ABCA13: variants seen among roughly 807,000 people sequenced by gnomAD.
ABCA13 encodes the protein ATP binding cassette subfamily A member 13, also known as ATP-binding cassette sub-family A member 13.
In ABCA13, 476 loss-of-function variants were observed where a neutral mutation model predicts 478.7. The observed-to-expected ratio is 0.99, with a 90% CI of 0.92 to 1.07. The LOEUF (loss-of-function observed/expected upper bound fraction) is 1.07. Ranked by LOEUF, ABCA13 falls within the 50% of genes least tolerant of loss-of-function variation. The pLI, the probability that ABCA13 is intolerant of heterozygous loss-of-function variation, is 0.00. For synonymous variants in ABCA13, 2,252 were observed against 2,158.9 expected, an observed-to-expected ratio of 1.04 and a Z score of -1.20; for missense variants, 6,060 against 5,910.6, an observed-to-expected ratio of 1.03 and a Z score of -0.83.
At chr7:48,393,285 G>A (rs560169053) in intron 38 of ABCA13, among the ~76,000 whole-genome samples, 39 of 152,306 alleles carry the variant, frequency 2.6e-4, no homozygotes, top group Admixed American at 2.0e-4. Flanking sequence ...TGTGCAGGCC[G>A]TCTGTCCTGT....
chr7:48,472,681 T>G (rs535761729), intron 45 of ABCA13, among the ~76,000 whole-genome samples: 2 of 152,062 alleles, frequency 1.3e-5, no homozygotes, highest in Admixed American at 6.5e-5. Context: ...ATAGTTTTAA[T>G]AAAAAAAGCT....
At chr7:48,235,513 C>T (rs1393866362) in intron 8 of ABCA13, among the ~76,000 whole-genome samples, 2 of 152,148 alleles carry the variant, frequency 1.3e-5, no homozygotes, top group Admixed American at 1.3e-4. Context: ...CTTTCTATTG[C>T]TGCTGTAGCA....
At chr7:48,478,005 G>C (rs535958391) in intron 45 of ABCA13, among the ~76,000 whole-genome samples, 1 of 151,648 alleles carries the variant, frequency 6.6e-6, no homozygotes, top group Non-Finnish European at 1.5e-5. Flanking sequence ...CATTTTAGAA[G>C]GATGTATCTT....
intron 30 of ABCA13, among the ~76,000 whole-genome samples, chr7:48,351,051 G>A (rs972348150): frequency 6.6e-6 from 1 of 152,138 alleles, no homozygotes; most frequent in Non-Finnish European, 1.5e-5. Context: ...GACTAATAAC[G>A]TTTTCACCAT....
At chr7:48,635,427 G>A (rs942173584) in intron 59 of ABCA13, among the ~76,000 whole-genome samples, 1 of 152,098 alleles carries the variant, frequency 6.6e-6, no homozygotes, top group Non-Finnish European at 1.5e-5. Context: ...GGAGAGGGAG[G>A]ACAGTGACCT....
intron 55 of ABCA13, among the ~76,000 whole-genome samples, chr7:48,541,324 C>T (rs1833929118): frequency 6.6e-6 from 1 of 152,038 alleles, no homozygotes; most frequent in Non-Finnish European, 1.5e-5. Context: ...TATTGATGGA[C>T]ACCATCAAAC....
intron 48 of ABCA13, among the ~76,000 whole-genome samples, chr7:48,504,138 G>A (rs1226727191): frequency 6.6e-6 from 1 of 152,178 alleles, no homozygotes; most frequent in Non-Finnish European, 1.5e-5. Context: ...TGGACAGGAA[G>A]CATAAGCAAA....
chr7:48,583,375 C>T (rs542515679), intron 56 of ABCA13, among the ~76,000 whole-genome samples: 66 of 152,264 alleles, frequency 4.3e-4, no homozygotes, highest in Middle Eastern at 3.4e-3. Context: ...CCCTACTTTA[C>T]GACTCATTTT....
intron 55 of ABCA13, among the ~76,000 whole-genome samples, chr7:48,575,465 G>T (rs1057509896): frequency 6.6e-6 from 1 of 152,168 alleles, no homozygotes; most frequent in Non-Finnish European, 1.5e-5. Context: ...GTACCCAGTA[G>T]ATCTTAAATT....
intron 15 of ABCA13, among the ~76,000 whole-genome samples, chr7:48,265,442 C>T (rs1384224675): frequency 6.6e-6 from 1 of 151,404 alleles, no homozygotes; most frequent in Non-Finnish European, 1.5e-5. Flanking sequence ...ATTTTGTCTT[C>T]TTTGTTTTTC....
chr7:48,203,234 G>T (rs1044845031), intron 3 of ABCA13, among the ~76,000 whole-genome samples: 2 of 144,436 alleles, frequency 1.4e-5, no homozygotes, highest in Non-Finnish European at 1.6e-5. Flanking sequence ...AAGCCCACGC[G>T]CACCGGAACT....
At chr7:48,260,152 A>G (rs1175137452) in intron 15 of ABCA13, among the ~76,000 whole-genome samples, 1 of 152,006 alleles carries the variant, frequency 6.6e-6, no homozygotes, top group Non-Finnish European at 1.5e-5. Context: ...TTTGCTGGGG[A>G]ACTAGAGCAG....
chr7:48,554,822 T>TTTATTATTATTA (rs58085063), intron 55 of ABCA13, among the ~76,000 whole-genome samples: 10 of 147,368 alleles, frequency 6.8e-5, no homozygotes, highest in African/African-American at 2.2e-4. Flanking sequence ...ATTATTATTA[T>TTTATTATTATTA]TTATTATTAT....
chr7:48,625,161 T>C (rs563764130), intron 59 of ABCA13, among the ~76,000 whole-genome samples: 1 of 152,332 alleles, frequency 6.6e-6, no homozygotes, highest in East Asian at 1.9e-4. Flanking sequence ...ACTGTCTGAG[T>C]AGCTGCAAAT....
intron 19 of ABCA13, among the ~76,000 whole-genome samples, chr7:48,287,521 T>C (rs1188133138): frequency 1.3e-5 from 2 of 152,076 alleles, no homozygotes; most frequent in African/African-American, 4.8e-5. Context: ...AGGAAGTGAC[T>C]TGTGAGGCAT....
In ABCA13 at chr7:48,412,354, C is replaced by T. The variant is rs752007350; in HGVS notation, c.12230C>T (p.Pro4077Leu). The T allele has an allele frequency of 2.5e-6, 4 of 1,609,952 alleles. No homozygotes were observed. The South Asian group carries it at 3.3e-5, about 13-fold the overall frequency. ...TTTTTTCCTTTTTTTTATGGATAGC[C>T]TTCTGTTCTGGAGGCCCATGATCTG... ...QGLRLTLTRQ[P>L]SVLEAHDLKD... The change falls in exon 41 of 62, where the codon CCT becomes CTT. Residue 4077 changes from proline (P) to leucine (L), a missense_variant and splice_region_variant. Transcript: ENST00000435803.
At chr7:48,432,545 A>T in intron 42 of ABCA13, among the ~76,000 whole-genome samples, 1 of 152,226 alleles carries the variant, frequency 6.6e-6, no homozygotes, top group East Asian at 1.9e-4. Flanking sequence ...CACCATTCAT[A>T]ATAGCCAAGA....
rs1042848402 is a variant in ABCA13, at chr7:48,228,022, C to G, written c.632+597C>G. Among the ~76,000 whole-genome samples the G allele has an allele frequency of 2.0e-5, 3 of 152,216 alleles. No individual in the cohort carries two copies. In the East Asian group the frequency reaches 5.8e-4, roughly 29 times the overall value. On this transcript the variant is annotated intron_variant, in intron 6 of 61. Coordinates refer to ENST00000435803, the MANE Select transcript of ABCA13 (RefSeq NM_152701.5). The stretch of plus-strand genomic sequence containing the variant: ...CCTTCCCGTGGTGGGCTTCTTATGC[C>G]TTAATCAGCATGGCCCTCTTTTATA...
rs530423576 is a variant in ABCA13, at chr7:48,487,983, G to A, written c.13183-1253G>A. ...CTATGTTGCTGTAGTTTTTTTGTTTGTTTGTTTTGGTCACAAAATCCCACT... is the reference window on the plus strand; with the variant it reads ...CTATGTTGCTGTAGTTTTTTTGTTTATTTGTTTTGGTCACAAAATCCCACT... On this transcript the variant is annotated intron_variant, in intron 47 of 61. Coordinates refer to ENST00000435803, the MANE Select transcript of ABCA13 (RefSeq NM_152701.5). Among the ~76,000 whole-genome samples the A allele has an allele frequency of 2.2e-4, 34 of 152,204 alleles. No individual in the cohort carries two copies. The South Asian group carries it at 6.8e-3, about 31-fold the overall frequency.
Sources: allele counts gnomAD v4.1 joint callset (sites outside exome capture counted in the v4.1 genomes callset), GRCh38; gene constraint gnomAD v4.1.1; transcripts MANE v1.5; gene names NCBI Gene and HGNC (gene_info 2026-07-23, HGNC 2026-07-21).